SLCO1B1: variants seen among roughly 807,000 people sequenced by gnomAD.
The protein encoded by SLCO1B1 is solute carrier organic anion transporter family member 1B1, also known as OATP-2.
Under a neutral mutation model 70.1 loss-of-function variants are expected in SLCO1B1, and 81 were observed. The observed-to-expected ratio is 1.16, with a 90% confidence interval of 0.97 to 1.39. SLCO1B1 has a LOEUF of 1.39. Ranked by LOEUF, SLCO1B1 falls within the 40% of genes most tolerant of loss-of-function variation. The pLI is 0.00. For missense variants in SLCO1B1, 895 were observed against 799.6 expected, an observed-to-expected ratio of 1.12 and a Z score of -1.44; for synonymous variants, 283 against 271.5, an observed-to-expected ratio of 1.04 and a Z score of -0.42.
intron 7 of SLCO1B1, among the ~76,000 whole-genome samples, chr12:21,196,025 G>A (rs1941088368): frequency 6.6e-6 from 1 of 152,130 alleles, no homozygotes; most frequent in South Asian, 2.1e-4. Context: ...CCTCTTGAAT[G>A]CATGGTATTA....
intron 7 of SLCO1B1, among the ~76,000 whole-genome samples, chr12:21,189,351 G>A (rs1446001556): frequency 1.3e-5 from 2 of 152,052 alleles, no homozygotes; most frequent in Non-Finnish European, 2.9e-5. Flanking sequence ...GCATTTCCCT[G>A]ATATGCAATG....
At chr12:21,135,390 G>T (rs184646667) in intron 1 of SLCO1B1, among the ~76,000 whole-genome samples, 1,936 of 152,180 alleles carry the variant, frequency 0.013, 35 homozygotes, top group African/African-American at 0.044. Context: ...GGGTATCCTT[G>T]TTAACTTTCT....
intron 2 of SLCO1B1, among the ~76,000 whole-genome samples, chr12:21,154,154 C>T (rs1224247121): frequency 1.3e-5 from 2 of 152,016 alleles, no homozygotes; most frequent in Non-Finnish European, 2.9e-5. Flanking sequence ...CTATCTCTCT[C>T]ATAACAAGAC....
At chr12:21,160,800 C>G (rs972563059) in intron 2 of SLCO1B1, among the ~76,000 whole-genome samples, 8 of 151,606 alleles carry the variant, frequency 5.3e-5, no homozygotes, top group African/African-American at 1.9e-4. Flanking sequence ...CTATAAGAAA[C>G]TTAAATTTAC....
At chr12:21,230,284 T>TGAGAACA (rs1409131616) in intron 14 of SLCO1B1, among the ~76,000 whole-genome samples, 2 of 151,930 alleles carry the variant, frequency 1.3e-5, no homozygotes, top group Non-Finnish European at 2.9e-5. Context: ...TTGAGAATTT[T>TGAGAACA]TGCGTCTATG....
intron 1 of SLCO1B1, among the ~76,000 whole-genome samples, chr12:21,132,704 T>C (rs903063618): frequency 3.3e-5 from 5 of 152,210 alleles, no homozygotes; most frequent in Admixed American, 6.5e-5. Flanking sequence ...GTAAATTTGT[T>C]TGAGTTCATT....
At chr12:21,164,904 T>C (rs1431744043) in intron 2 of SLCO1B1, 1 of 450,022 alleles carries the variant, frequency 2.2e-6, no homozygotes, top group African/African-American at 2.0e-5. Flanking sequence ...ACTGTCATTA[T>C]TGGTTTATTG....
chr12:21,225,379 C>T (rs1333128572), intron 14 of SLCO1B1, among the ~76,000 whole-genome samples: 3 of 152,006 alleles, frequency 2.0e-5, no homozygotes, highest in East Asian at 1.9e-4. Context: ...AAGATAACTG[C>T]ATGGGCATCT....
intron 1 of SLCO1B1, among the ~76,000 whole-genome samples, chr12:21,136,287 G>A (rs911652204): frequency 2.0e-5 from 3 of 152,030 alleles, no homozygotes; most frequent in African/African-American, 7.3e-5. Context: ...TTCAACTTTG[G>A]TGAATCTGAC....
intron 11 of SLCO1B1, among the ~76,000 whole-genome samples, chr12:21,212,393 C>G (rs1941298417): frequency 8.1e-6 from 1 of 122,960 alleles, no homozygotes; most frequent in Non-Finnish European, 1.7e-5. Context: ...ATTCTTAATC[C>G]TGAGTTCTAG....
intron 11 of SLCO1B1, among the ~76,000 whole-genome samples, chr12:21,209,910 GT>G (rs1305211983): frequency 6.6e-6 from 1 of 151,944 alleles, no homozygotes; most frequent in African/African-American, 2.4e-5. Context: ...GGGGTTTTTT[GT>G]TTTTTTCTTG....
Position 21,222,371 on chromosome 12 carries a change from T to TTA in SLCO1B1, c.1747+7_1747+8insTA. ...ATGGTTATACGAGCACTAGGTATGA[T>TTA]GAAAAAAAAAAAAAAAAAAAAAAAA... On this transcript the variant is annotated splice_region_variant and intron_variant, in intron 13 of 14. Transcript: ENST00000256958. 1 of 119,502 alleles carries TTA rather than the reference T, an allele frequency of 8.4e-6. No homozygotes were observed. Among genetic ancestry groups the TTA allele is most frequent in the Non-Finnish European group, 1.2e-5 (1 of 86,086 alleles). 7.4% of individuals were successfully genotyped at this position (119,502 alleles called of 1,614,324 possible).
chr12:21,223,996 A>G (rs764820409), intron 13 of SLCO1B1, among the ~76,000 whole-genome samples: 3 of 152,220 alleles, frequency 2.0e-5, no homozygotes, highest in South Asian at 2.1e-4. Flanking sequence ...GACCACTGAA[A>G]ACTTATCATT....
intron 11 of SLCO1B1, among the ~76,000 whole-genome samples, chr12:21,208,103 T>A (rs957806207): frequency 2.7e-5 from 4 of 146,404 alleles, no homozygotes; most frequent in African/African-American, 1.0e-4. Context: ...GTCTTTTCAC[T>A]CTGTTGATTA....
chr12:21,131,823 G>GT (rs538299181), intron 1 of SLCO1B1, among the ~76,000 whole-genome samples: 208 of 151,848 alleles, frequency 1.4e-3, no homozygotes, highest in Non-Finnish European at 2.8e-3. Context: ...TCTCAGTACA[G>GT]TTTTTTTCTT....
At chr12:21,217,011 A>C in intron 11 of SLCO1B1, 108 bp from the exon 12 acceptor site, 2 of 820,338 alleles carry the variant, frequency 2.4e-6, no homozygotes, top group Non-Finnish European at 4.1e-6. Flanking sequence ...TAAACTGTAA[A>C]TATATTAGTT....
intron 2 of SLCO1B1, among the ~76,000 whole-genome samples, chr12:21,154,399 C>T (rs1359917389): frequency 6.6e-6 from 1 of 152,004 alleles, no homozygotes; most frequent in African/African-American, 2.4e-5. Flanking sequence ...CACCAAATAC[C>T]AAATATGTTG....
At chr12:21,170,776 A>C (rs1940747351) in intron 2 of SLCO1B1, among the ~76,000 whole-genome samples, 1 of 152,158 alleles carries the variant, frequency 6.6e-6, no homozygotes, top group African/African-American at 2.4e-5. Flanking sequence ...AATCTTTTGA[A>C]TTCCTTTTAT....
In SLCO1B1 at chr12:21,176,859, T is replaced by G. The variant is rs553054459; in HGVS notation, c.443T>G (p.Leu148Ter). The G allele has an allele frequency of 6.4e-7, 1 of 1,559,284 alleles. No individual in the cohort carries two copies. The highest frequency in any genetic ancestry group is 1.3e-5 in the African/African-American group (1 of 74,200). The stretch of plus-strand genomic sequence containing the variant: ...TCCACTTGTTTAATTAATCAAATTT[T>G]ATCACTCAATAGAGCATCACCTGAG... ...TLSTCLINQI[L>*]SLNRASPEIV... The change falls in exon 5 of 15, where the codon TTA becomes TGA. Residue 148 changes from leucine to a stop codon, truncating the protein, a stop_gained. Coordinates refer to ENST00000256958, the MANE Select transcript of SLCO1B1 (RefSeq NM_006446.5). LOFTEE classifies it high-confidence loss of function.
Sources: allele counts gnomAD v4.1 joint callset (sites outside exome capture counted in the v4.1 genomes callset), GRCh38; gene constraint gnomAD v4.1.1; transcripts MANE v1.5; gene names NCBI Gene and HGNC (gene_info 2026-07-23, HGNC 2026-07-21).